Variants in EDIL3 observed in about 807,000 individuals in gnomAD.
EDIL3 encodes EGF-like repeat and discoidin I-like domain-containing protein 3.
A neutral mutation model predicts 67.4 loss-of-function variants in EDIL3; 37 were observed. The ratio of observed to expected loss-of-function variants is 0.55; its 90% CI spans 0.42 to 0.72. The LOEUF (loss-of-function observed/expected upper bound fraction) is 0.72. Among genes scored for constraint, EDIL3 ranks in the 30% least tolerant of loss-of-function variants. The probability of loss-of-function intolerance (pLI) is 0.00; values close to 1 mark genes in which losing one functional copy is unlikely to be tolerated. For missense variants in EDIL3, 527 were observed against 586.3 expected, an observed-to-expected ratio of 0.90 and a Z score of 1.04; for synonymous variants, 195 against 196.3, an observed-to-expected ratio of 0.99 and a Z score of 0.05.
intron 1 of EDIL3, among the ~76,000 whole-genome samples, chr5:84,323,982 T>C (rs1324880696): frequency 6.6e-6 from 1 of 151,866 alleles, no homozygotes; most frequent in African/African-American, 2.4e-5. Flanking sequence ...CAATACACCA[T>C]ACTGAATAAT....
intron 4 of EDIL3, among the ~76,000 whole-genome samples, chr5:84,157,894 C>T (rs1748521617): frequency 6.6e-6 from 1 of 152,064 alleles, no homozygotes; most frequent in Non-Finnish European, 1.5e-5. Context: ...TAAAACACAA[C>T]TTCAGCATTA....
chr5:84,036,129 C>T (rs1403419402), intron 9 of EDIL3, among the ~76,000 whole-genome samples: 1 of 152,168 alleles, frequency 6.6e-6, no homozygotes, highest in Non-Finnish European at 1.5e-5. Context: ...TGTGCCATTC[C>T]CTCCTGAGTA....
At chr5:84,276,474 C>A (rs1002611731) in intron 1 of EDIL3, among the ~76,000 whole-genome samples, 13 of 152,080 alleles carry the variant, frequency 8.5e-5, no homozygotes, top group African/African-American at 2.7e-4. Context: ...AACTTTTAAT[C>A]GTTTCCTTCA....
At chr5:84,048,715 T>C (rs1419101005) in intron 9 of EDIL3, among the ~76,000 whole-genome samples, 2 of 152,042 alleles carry the variant, frequency 1.3e-5, no homozygotes, top group Non-Finnish European at 2.9e-5. Flanking sequence ...ATTATCCATT[T>C]TCTATAGTCA....
chr5:84,207,900 G>A (rs1259546255), intron 3 of EDIL3, among the ~76,000 whole-genome samples: 1 of 152,158 alleles, frequency 6.6e-6, no homozygotes, highest in Non-Finnish European at 1.5e-5. Flanking sequence ...ATTAATTCAA[G>A]ATGGATTAAA....
At chr5:84,195,408 A>G (rs1415091858) in intron 3 of EDIL3, among the ~76,000 whole-genome samples, 1 of 152,016 alleles carries the variant, frequency 6.6e-6, no homozygotes, top group Non-Finnish European at 1.5e-5. Flanking sequence ...CAAATACTTT[A>G]CTAGAAGTGT....
intron 4 of EDIL3, among the ~76,000 whole-genome samples, chr5:84,179,792 C>T (rs988715459): frequency 1.3e-5 from 2 of 152,096 alleles, no homozygotes; most frequent in African/African-American, 4.8e-5. Flanking sequence ...GGCACCACAC[C>T]ATTCCTTTGA....
chr5:84,234,211 C>T (rs1580390268), intron 2 of EDIL3, among the ~76,000 whole-genome samples: 2 of 152,288 alleles, frequency 1.3e-5, no homozygotes, highest in East Asian at 3.9e-4. Flanking sequence ...CTTTATTTTT[C>T]CAGGGAGCTT....
intron 1 of EDIL3, among the ~76,000 whole-genome samples, chr5:84,258,139 T>A: frequency 6.6e-6 from 1 of 152,208 alleles, no homozygotes; most frequent in African/African-American, 2.4e-5. Context: ...TAAAATCTGT[T>A]TCTCTATACA....
intron 1 of EDIL3, among the ~76,000 whole-genome samples, chr5:84,291,761 T>G (rs1316471030): frequency 1.4e-5 from 2 of 147,742 alleles, no homozygotes; most frequent in African/African-American, 2.5e-5. Flanking sequence ...TCTATATATC[T>G]ATATATCTAT....
At chr5:84,356,896 T>C (rs957984530) in intron 1 of EDIL3, among the ~76,000 whole-genome samples, 1 of 141,570 alleles carries the variant, frequency 7.1e-6, no homozygotes, top group African/African-American at 2.7e-5. Flanking sequence ...TTTCTTTTTT[T>C]TTTTTTTTTT....
chr5:83,968,541 C>T lies in EDIL3; in HGVS notation c.1138-5181G>A, dbSNP rs146769305. 1.4e-3 allele frequency among the ~76,000 whole-genome samples: 215 copies of T among 151,916 alleles called. 8 individuals are homozygous for T. In the East Asian group the frequency reaches 0.036, roughly 26 times the overall value. ...TTTTTTTCACATGTAAAACCATGTA[C>T]GACACATGTATGGTGCAATAAACAA... On this transcript the variant is annotated intron_variant, in intron 9 of 10. Coordinates refer to ENST00000296591, the MANE Select transcript of EDIL3 (RefSeq NM_005711.5).
At chr5:83,968,729 A>G (rs561029956) in intron 9 of EDIL3, among the ~76,000 whole-genome samples, 2 of 152,162 alleles carry the variant, frequency 1.3e-5, no homozygotes, top group African/African-American at 4.8e-5. Flanking sequence ...CCATATGTCA[A>G]TCTGAACTAC....
chr5:84,303,770 C>T (rs951264424), intron 1 of EDIL3, among the ~76,000 whole-genome samples: 7 of 151,060 alleles, frequency 4.6e-5, no homozygotes, highest in African/African-American at 1.5e-4. Flanking sequence ...TTCCACTTCC[C>T]GGAGGCATCA....
At chr5:84,311,646 T>C (rs969852898) in intron 1 of EDIL3, among the ~76,000 whole-genome samples, 2 of 151,936 alleles carry the variant, frequency 1.3e-5, no homozygotes, top group African/African-American at 2.4e-5. Flanking sequence ...AGTGGAGGGA[T>C]GGTCAGCAGA....
At chr5:84,287,054 C>A (rs751469991) in intron 1 of EDIL3, among the ~76,000 whole-genome samples, 13 of 152,156 alleles carry the variant, frequency 8.5e-5, no homozygotes, top group Non-Finnish European at 1.8e-4. Context: ...GAAAATAACA[C>A]TGGCAATTAG....
At chr5:84,038,226 G>A (rs938514077) in intron 9 of EDIL3, among the ~76,000 whole-genome samples, 1 of 151,758 alleles carries the variant, frequency 6.6e-6, no homozygotes, top group Non-Finnish European at 1.5e-5. Context: ...GGTAGGTCAG[G>A]GCCAGTCTGC....
At chr5:84,181,696 G>A (rs1749015988) in intron 3 of EDIL3, among the ~76,000 whole-genome samples, 1 of 152,054 alleles carries the variant, frequency 6.6e-6, no homozygotes, top group African/African-American at 2.4e-5. Context: ...ATTGACTCAG[G>A]ACAGAATCCA....
At chr5:84,306,846 C>A (rs927428218) in intron 1 of EDIL3, among the ~76,000 whole-genome samples, 1 of 152,226 alleles carries the variant, frequency 6.6e-6, no homozygotes, top group African/African-American at 2.4e-5. Context: ...TAAACCCCAC[C>A]TTCACTACTC....
Sources: gnomAD v4.1 joint callset for allele counts (sites outside exome capture counted in the v4.1 genomes callset) on GRCh38, gnomAD v4.1.1 for gene constraint, MANE v1.5 for transcripts, NCBI Gene and HGNC (gene_info 2026-07-23, HGNC 2026-07-21) for gene names.